The following ZSWIM5 variants were observed in gnomAD, a reference collection of about 807,000 sequenced individuals.
The protein encoded by ZSWIM5 is zinc finger SWIM-type containing 5.
ZSWIM5 carries 55 observed loss-of-function variants against 119.6 expected under a neutral mutation model. The ratio of observed to expected loss-of-function variants is 0.46; its 90% CI spans 0.37 to 0.58. The LOEUF (loss-of-function observed/expected upper bound fraction) is 0.58. Ranked by LOEUF, ZSWIM5 falls within the 20% of genes least tolerant of loss-of-function variation. The probability of loss-of-function intolerance (pLI) is 0.00; values close to 1 mark genes in which losing one functional copy is unlikely to be tolerated. For synonymous variants in ZSWIM5, 537 were observed against 606.9 expected, an observed-to-expected ratio of 0.88 and a Z score of 1.69; for missense variants, 1,193 against 1,512.8, an observed-to-expected ratio of 0.79 and a Z score of 3.51.
intron 6 of ZSWIM5, among the ~76,000 whole-genome samples, chr1:45,041,898 C>T (rs149260891): frequency 1.3e-5 from 2 of 152,232 alleles, no homozygotes; most frequent in Non-Finnish European, 2.9e-5. Flanking sequence ...CTGGCCTTTC[C>T]ACTTAATAAC....
Position 45,131,545 on chromosome 1 carries a change from G to A in ZSWIM5, c.596-43308C>T, listed in dbSNP as rs149060092. Among the ~76,000 whole-genome samples the A allele has an allele frequency of 4.6e-3, 697 of 151,788 alleles. 8 individuals carry two copies. The highest frequency in any genetic ancestry group is 0.016 in the African/African-American group (656 of 41,362). On this transcript the variant is annotated intron_variant, in intron 1 of 13. Transcript: ENST00000359600. ...TTGAAACCAGCCTCGCCAACATGGCGAAACCCAGTCCCCACTAAAAATACA... is the reference window on the plus strand; with the variant it reads ...TTGAAACCAGCCTCGCCAACATGGCAAAACCCAGTCCCCACTAAAAATACA...
intron 1 of ZSWIM5, among the ~76,000 whole-genome samples, chr1:45,157,970 T>C (rs1050019900): frequency 3.3e-5 from 5 of 152,204 alleles, no homozygotes; most frequent in African/African-American, 1.2e-4. Context: ...TAATCTTTTG[T>C]GATGTGTTTG....
intron 11 of ZSWIM5, among the ~76,000 whole-genome samples, chr1:45,023,079 T>C (rs774869782): frequency 3.9e-5 from 6 of 152,246 alleles, no homozygotes; most frequent in Admixed American, 1.3e-4. Context: ...TGAACCAATA[T>C]GCATATATTA....
At chr1:45,205,649 C>A (rs897167812) in intron 1 of ZSWIM5, 107 bp downstream of exon 1, 1 of 1,220,852 alleles carries the variant, frequency 8.2e-7, no homozygotes, top group African/African-American at 1.6e-5. Context: ...GGCAGGGGTA[C>A]AGGAGTTGGG....
At chr1:45,077,590 C>A (rs1645263211) in intron 2 of ZSWIM5, among the ~76,000 whole-genome samples, 1 of 152,180 alleles carries the variant, frequency 6.6e-6, no homozygotes, top group Non-Finnish European at 1.5e-5. Context: ...GCACCATTGT[C>A]ATTGATAACA....
intron 11 of ZSWIM5, among the ~76,000 whole-genome samples, chr1:45,023,572 T>C (rs1228774720): frequency 6.6e-6 from 1 of 151,846 alleles, no homozygotes; most frequent in East Asian, 1.9e-4. Context: ...TAATCAATTC[T>C]ATGGATATAC....
At chr1:45,063,055 T>C (rs1328575431) in intron 2 of ZSWIM5, among the ~76,000 whole-genome samples, 1 of 152,188 alleles carries the variant, frequency 6.6e-6, no homozygotes, top group Admixed American at 6.5e-5. Context: ...CTCCCACTTA[T>C]AAGTGAGAAC....
chr1:45,083,494 C>T (rs1294105052), intron 2 of ZSWIM5, among the ~76,000 whole-genome samples: 3 of 152,168 alleles, frequency 2.0e-5, no homozygotes, highest in Non-Finnish European at 4.4e-5. Flanking sequence ...TGGCAATCCT[C>T]TTGCCTTGAC....
chr1:45,103,289 CAGAT>C (rs1414864012), intron 1 of ZSWIM5, among the ~76,000 whole-genome samples: 1 of 152,152 alleles, frequency 6.6e-6, no homozygotes, highest in Non-Finnish European at 1.5e-5. Flanking sequence ...TACTACATGA[CAGAT>C]AGTATTCTAA....
intron 1 of ZSWIM5, among the ~76,000 whole-genome samples, chr1:45,146,309 G>GT (rs1645759118): frequency 1.4e-5 from 2 of 146,642 alleles, no homozygotes; most frequent in African/African-American, 5.1e-5. Context: ...ATAACTATTC[G>GT]TTTATACAGA....
At position 45,173,253 on chromosome 1, in the gene ZSWIM5, A is replaced by G. The variant is rs72888964; in HGVS notation, c.595+32503T>C. On this transcript the variant is annotated intron_variant, in intron 1 of 13. Coordinates refer to ENST00000359600, the MANE Select transcript of ZSWIM5 (RefSeq NM_020883.2). The stretch of plus-strand genomic sequence containing the variant: ...TGAATACATAATAGGTCCACAACAT[A>G]TGAACTGAATATATTAGTCTCAATA... 6.4e-3 allele frequency among the ~76,000 whole-genome samples: 981 copies of G among 152,270 alleles called. 15 individuals carry two copies. Among genetic ancestry groups the G allele is most frequent in the African/African-American group, 0.023 (936 of 41,554 alleles).
intron 2 of ZSWIM5, among the ~76,000 whole-genome samples, chr1:45,080,508 G>A (rs1210844132): frequency 6.6e-6 from 1 of 152,170 alleles, no homozygotes; most frequent in African/African-American, 2.4e-5. Flanking sequence ...GGGCGATTGG[G>A]GAGGTGTGGC....
intron 1 of ZSWIM5, among the ~76,000 whole-genome samples, chr1:45,177,572 G>A (rs542273649): frequency 1.3e-5 from 2 of 152,146 alleles, no homozygotes; most frequent in South Asian, 2.1e-4. Flanking sequence ...AATGAAAGAT[G>A]GGCATAAAAG....
chr1:45,087,772 C>A, intron 2 of ZSWIM5, 109 bp downstream of exon 2: 1 of 770,678 alleles, frequency 1.3e-6, no homozygotes, highest in Non-Finnish European at 2.1e-6. Context: ...CAGAAATATC[C>A]CAACCTCTTA....
rs1040781904 is a variant in ZSWIM5, at chr1:45,043,288, T to C, written c.1540A>G (p.Thr514Ala). The change falls in exon 6 of 14, where the codon ACA becomes GCA. Residue 514 changes from threonine to alanine, a missense_variant. Coordinates refer to ENST00000359600, the MANE Select transcript of ZSWIM5 (RefSeq NM_020883.2). Reference protein sequence around the residue: ...LQRIISSDVYTAPACQRESER... With the variant: ...LQRIISSDVYAAPACQRESER... Reference sequence around the variant, plus strand: ...CTTTCCCGCTGGCAGGCAGGAGCTGTATAAACATCACTGCTGATTATTCGC... The same window carrying C: ...CTTTCCCGCTGGCAGGCAGGAGCTGCATAAACATCACTGCTGATTATTCGC... 8 of 1,614,096 alleles carry C rather than the reference T, an allele frequency of 5.0e-6. No individual in the cohort carries two copies. The Admixed American group carries it at 1.0e-4, about 20-fold the overall frequency.
At chr1:45,166,674 A>G (rs1233404225) in intron 1 of ZSWIM5, among the ~76,000 whole-genome samples, 1 of 152,132 alleles carries the variant, frequency 6.6e-6, no homozygotes, top group Non-Finnish European at 1.5e-5. Context: ...CTATACACCA[A>G]TAACAGACAA....
chr1:45,126,752 A>G (rs1645624570), intron 1 of ZSWIM5, among the ~76,000 whole-genome samples: 1 of 152,176 alleles, frequency 6.6e-6, no homozygotes, highest in South Asian at 2.1e-4. Flanking sequence ...AAAAGGAAAA[A>G]AAAAATGAAT....
chr1:45,134,418 A>AAGATGAAAG (rs1645677285), intron 1 of ZSWIM5, among the ~76,000 whole-genome samples: 1 of 152,236 alleles, frequency 6.6e-6, no homozygotes, highest in African/African-American at 2.4e-5. Context: ...AGAAAGGAAA[A>AAGATGAAAG]AGATGAGTCC....
chr1:45,139,694 AT>A (rs774168631), intron 1 of ZSWIM5, among the ~76,000 whole-genome samples: 8,504 of 67,570 alleles, frequency 0.13, 175 homozygotes, highest in Non-Finnish European at 0.14. Flanking sequence ...GCTTTCTTCG[AT>A]TTTTTTTTTT....
Sources: gnomAD v4.1 joint callset for allele counts (sites outside exome capture counted in the v4.1 genomes callset) on GRCh38, gnomAD v4.1.1 for gene constraint, MANE v1.5 for transcripts, NCBI Gene and HGNC (gene_info 2026-07-23, HGNC 2026-07-21) for gene names.